SEC23B: variants seen among roughly 807,000 people sequenced by gnomAD.
SEC23B encodes protein transport protein Sec23B.
SEC23B carries 77 observed loss-of-function variants against 104.3 expected under a neutral mutation model. The ratio of observed to expected loss-of-function variants is 0.74; its 90% CI spans 0.61 to 0.89. The LOEUF (loss-of-function observed/expected upper bound fraction) is 0.89, where lower values mean the gene tolerates loss of function less well. Ranked by LOEUF, SEC23B falls within the 40% of genes least tolerant of loss-of-function variation. The pLI, the probability that SEC23B is intolerant of heterozygous loss-of-function variation, is 0.00. For synonymous variants in SEC23B, 338 were observed against 332.5 expected, an observed-to-expected ratio of 1.02 and a Z score of -0.18; for missense variants, 885 against 949.4, an observed-to-expected ratio of 0.93 and a Z score of 0.89.
intron 16 of SEC23B, among the ~76,000 whole-genome samples, chr20:18,549,363 T>C (rs527429702): frequency 6.6e-6 from 1 of 152,302 alleles, no homozygotes; most frequent in Admixed American, 6.5e-5. Flanking sequence ...CCTAATATAA[T>C]GTAAGTACCA....
chr20:18,529,170 T>C (rs1315672173), intron 9 of SEC23B, among the ~76,000 whole-genome samples: 2 of 152,048 alleles, frequency 1.3e-5, no homozygotes, highest in Non-Finnish European at 2.9e-5. Context: ...CACATGGGGG[T>C]GTGAGAACTG....
Position 18,510,869 on chromosome 20 carries a change from G to C in SEC23B, c.34G>C (p.Glu12Gln), listed in dbSNP as rs1234117750. 2 of 1,614,198 alleles carry C rather than the reference G, an allele frequency of 1.2e-6. No individual in the cohort carries two copies. The highest frequency in any genetic ancestry group is 2.2e-5 in the South Asian group (2 of 91,080). Residue 12 changes from glutamate to glutamine, a missense_variant, in exon 2 of 20, where the codon GAA (glutamate) becomes CAA (glutamine). Glu to Gln is a conservative substitution (Grantham distance 29). Transcript: ENST00000650089. Reference protein sequence around the residue: ...ATYLEFIQQNEERDGVRFSWN... With the variant: ...ATYLEFIQQNQERDGVRFSWN... ...ATACCTGGAGTTCATCCAGCAGAAT[G>C]AAGAACGGGATGGTGTGCGTTTTAG...
At chr20:18,544,541 T>C (rs907438014) in intron 14 of SEC23B, among the ~76,000 whole-genome samples, 5 of 152,166 alleles carry the variant, frequency 3.3e-5, no homozygotes, top group Non-Finnish European at 7.3e-5. Context: ...CTGAGGACTT[T>C]GGAGAAACCA....
At chr20:18,560,596 A>T in intron 19 of SEC23B, 55 bp from the exon 20 acceptor site, 2 of 1,404,976 alleles carry the variant, frequency 1.4e-6, no homozygotes, top group Non-Finnish European at 2.0e-6. Context: ...ACAGCTCATG[A>T]ATTCTAATCA....
intron 6 of SEC23B, among the ~76,000 whole-genome samples, chr20:18,525,567 G>T (rs532853079): frequency 6.6e-6 from 1 of 151,446 alleles, no homozygotes; most frequent in Non-Finnish European, 1.5e-5. Context: ...TTTTTTTTCC[G>T]TGCAACATAA....
Position 18,525,784 on chromosome 20 carries a change from G to A in SEC23B, c.690-4G>A. On this transcript the variant is annotated splice_polypyrimidine_tract_variant and splice_region_variant and intron_variant, in intron 6 of 19. Coordinates refer to ENST00000650089, the MANE Select transcript of SEC23B (RefSeq NM_006363.6). ...GGGTTGATGTGTCTGTTAAAATCTT[G>A]CAGATTTCTGCAGCCTGTTCACAAG... The A allele has an allele frequency of 6.2e-7, 1 of 1,614,156 alleles. No individual in the cohort carries two copies. Among genetic ancestry groups the A allele is most frequent in the Non-Finnish European group, 8.5e-7 (1 of 1,180,008 alleles).
At chr20:18,548,350 T>TA (rs1166474444) in intron 15 of SEC23B, among the ~76,000 whole-genome samples, 4 of 152,260 alleles carry the variant, frequency 2.6e-5, no homozygotes, top group Non-Finnish European at 4.4e-5. Context: ...TGAGTAGTGT[T>TA]ACGTGTATTC....
chr20:18,547,915 T>C (rs945675529), intron 15 of SEC23B, among the ~76,000 whole-genome samples: 1 of 6,480 alleles, frequency 1.5e-4, no homozygotes, highest in Non-Finnish European at 2.9e-4. Flanking sequence ...CCAGAGGCCC[T>C]TTTCTTAAAA....
chr20:18,545,097 G>A (rs2060320683), intron 14 of SEC23B, among the ~76,000 whole-genome samples: 2 of 152,158 alleles, frequency 1.3e-5, no homozygotes, highest in Admixed American at 1.3e-4. Context: ...TTGGGTGGAT[G>A]TCCTGACTGG....
chr20:18,554,657 C>T (rs975233103), intron 18 of SEC23B, among the ~76,000 whole-genome samples: 1 of 152,118 alleles, frequency 6.6e-6, no homozygotes, highest in East Asian at 1.9e-4. Flanking sequence ...GAAACCCCGT[C>T]TCTACTAAAA....
chr20:18,510,683 T>C, intron 1 of SEC23B, 139 bp from the exon 2 acceptor site: 1 of 692,690 alleles, frequency 1.4e-6, no homozygotes. Context: ...GGAGAATCGC[T>C]TGAACCCGGG....
At chr20:18,518,196 A>G (rs1472945826) in intron 4 of SEC23B, among the ~76,000 whole-genome samples, 5 of 152,206 alleles carry the variant, frequency 3.3e-5, no homozygotes, top group African/African-American at 4.8e-5. Flanking sequence ...AAACCAAGGA[A>G]TTATGTCTGA....
chr20:18,524,538 C>T lies in SEC23B; in HGVS notation c.472C>T (p.Leu158Phe), dbSNP rs919655089. The change falls in exon 5 of 20, where the codon CTT (leucine) becomes TTT (phenylalanine). Residue 158 changes from leucine (L) to phenylalanine (F), a missense_variant. Coordinates refer to ENST00000650089, the MANE Select transcript of SEC23B (RefSeq NM_006363.6). Reference protein sequence around the residue: ...KESLQMSLSLLPPDALVGLIT... With the variant: ...KESLQMSLSLFPPDALVGLIT... ...GTCCCTGCAGATGTCCCTGAGTCTT[C>T]TTCCTCCAGATGCTCTGGTGGGTCT... 7 of 1,614,190 alleles carry T rather than the reference C, an allele frequency of 4.3e-6. No individual in the cohort carries two copies. Among genetic ancestry groups the T allele is most frequent in the Non-Finnish European group, 5.1e-6 (6 of 1,180,010 alleles).
chr20:18,560,853 C>T lies in SEC23B; in HGVS notation c.*113C>T. On this transcript the variant is annotated 3_prime_UTR_variant, in exon 20 of 20. Coordinates refer to ENST00000650089, the MANE Select transcript of SEC23B (RefSeq NM_006363.6). ...GCAGATTTTAACAAATAATCAAGGA[C>T]ATTTTATATGTAACTCTTTAGATTA... 1.3e-6 allele frequency: 1 copy of T among 787,828 alleles called. No individual in the cohort carries two copies. Among genetic ancestry groups the T allele is most frequent in the Non-Finnish European group, 2.3e-6 (1 of 441,278 alleles). The allele number at this position is 787,828 out of a possible 1,614,324, so 48.8% of individuals were successfully genotyped here. A position where few individuals can be genotyped will look rare whatever the true frequency, so the allele number is the denominator to read the frequency against.
At chr20:18,517,557 G>A (rs1043696933) in intron 4 of SEC23B, among the ~76,000 whole-genome samples, 2 of 152,164 alleles carry the variant, frequency 1.3e-5, no homozygotes, top group Admixed American at 6.5e-5. Flanking sequence ...TGACATTCCT[G>A]TGTTGTTATA....
chr20:18,554,542 G>C, intron 18 of SEC23B, 152 bp downstream of exon 18: 4 of 1,097,880 alleles, frequency 3.6e-6, no homozygotes, highest in Non-Finnish European at 5.4e-6. Flanking sequence ...TAAATGAGTG[G>C]TCAGGCCAAG....
At position 18,535,637 on chromosome 20, in the gene SEC23B, C is replaced by G; in HGVS notation, c.1315-16C>G. On this transcript the variant is annotated splice_polypyrimidine_tract_variant and intron_variant, in intron 11 of 19. Transcript: ENST00000650089. ...TTTTCTGGTTTTGTTTTTCAAATTC[C>G]TCTTCCCACCCCCAGGAGCTTGGTG... 1 of 1,611,908 alleles carries G rather than the reference C, an allele frequency of 6.2e-7. No homozygotes were observed. The highest frequency in any genetic ancestry group is 8.5e-7 in the Non-Finnish European group (1 of 1,178,082).
At chr20:18,516,406 T>C (rs2148889653) in intron 4 of SEC23B, among the ~76,000 whole-genome samples, 1 of 152,326 alleles carries the variant, frequency 6.6e-6, no homozygotes, top group African/African-American at 2.4e-5. Flanking sequence ...TTCTGCTACA[T>C]TGTGTTTTAT....
At chr20:18,523,478 C>T (rs1005213557) in intron 4 of SEC23B, among the ~76,000 whole-genome samples, 3 of 145,730 alleles carry the variant, frequency 2.1e-5, no homozygotes, top group Non-Finnish European at 4.5e-5. Context: ...TCTCAGCTCA[C>T]TGCAACCTCT....
Sources: allele counts gnomAD v4.1 joint callset (sites outside exome capture counted in the v4.1 genomes callset), GRCh38; gene constraint gnomAD v4.1.1; transcripts MANE v1.5; gene names NCBI Gene and HGNC (gene_info 2026-07-23, HGNC 2026-07-21).